Variants in MNT observed in about 807,000 individuals in gnomAD.
The protein encoded by MNT is max-binding protein MNT.
MNT carries 13 observed loss-of-function variants against 40.7 expected under a neutral mutation model. The ratio of observed to expected loss-of-function variants is 0.32; its 90% CI spans 0.21 to 0.51. The LOEUF (loss-of-function observed/expected upper bound fraction) is 0.51. Ranked by LOEUF, MNT falls within the 20% of genes least tolerant of loss-of-function variation. The pLI, the probability that MNT is intolerant of heterozygous loss-of-function variation, is 0.98. For missense variants in MNT, 757 were observed against 792.0 expected (o/e 0.96, Z 0.53); for synonymous variants, 426 against 354.8 (o/e 1.20, Z -2.26).
At chr17:2,388,098 G>A in intron 4 of MNT, 49 bp from the exon 5 acceptor site, 4 of 1,496,606 alleles carry the variant, frequency 2.7e-6, no homozygotes, top group Non-Finnish European at 3.6e-6. Context: ...AGCAGCCTTG[G>A]GGCCCAAAGC....
At position 2,384,597 on chromosome 17, in the gene MNT, C is replaced by CGTGTGT. The variant is rs138247244; in HGVS notation, c.*2298_*2303dup. The CGTGTGT allele has an allele frequency of 0.27, 39,851 of 145,552 alleles. 5,410 individuals carry two copies. The highest frequency in any genetic ancestry group is 0.44 in the East Asian group (2,138 of 4,868). The allele number at this position is 145,552 out of a possible 1,614,324, so 9.0% of individuals were successfully genotyped here. ...GAGGTAAGATGTGTGCGTGTGCGTG[C>CGTGTGT]GTGTGTGTGTGTGTGTGTGTGTGTG... On this transcript the variant is annotated 3_prime_UTR_variant, in exon 6 of 6. Coordinates refer to ENST00000174618, the MANE Select transcript of MNT (RefSeq NM_020310.3).
At chr17:2,389,801 A>T (rs2151666451) in intron 4 of MNT, 1 of 152,510 alleles carries the variant, frequency 6.6e-6, no homozygotes, top group East Asian at 1.9e-4. Flanking sequence ...GCCCCCTGGC[A>T]CTGAGGAAAA....
intron 4 of MNT, among the ~76,000 whole-genome samples, chr17:2,393,066 C>A (rs890634091): frequency 1.3e-5 from 2 of 152,004 alleles, no homozygotes; most frequent in Admixed American, 1.3e-4. Context: ...ACCCCTCCCA[C>A]GGGGCCCGTG....
rs2066554550 is a variant in MNT at position 2,394,233 on chromosome 17, G to GGCCGAGGGCC, written c.695+62_695+71dup. On this transcript the variant is annotated intron_variant, in intron 3 of 5. Coordinates refer to ENST00000174618, the MANE Select transcript of MNT (RefSeq NM_020310.3). The stretch of plus-strand genomic sequence containing the variant: ...GGGGAGGCAGGACCGGGGAAGCTGG[G>GGCCGAGGGCC]GCCGAGGGCCGCCGGGGCCCGGGTC... 2.6e-5 allele frequency: 42 copies of GGCCGAGGGCC among 1,594,476 alleles called. 1 individual carries two copies. The South Asian group carries it at 4.7e-4, about 18-fold the overall frequency.
chr17:2,391,442 G>A (rs952574841), intron 4 of MNT: 1 of 152,274 alleles, frequency 6.6e-6, no homozygotes, highest in Non-Finnish European at 1.5e-5. Context: ...GAGTGACATG[G>A]GTCAAAAGCT....
chr17:2,392,830 C>T (rs2066532016), intron 4 of MNT: 1 of 151,968 alleles, frequency 6.6e-6, no homozygotes, highest in African/African-American at 2.4e-5. Flanking sequence ...CCGGAAGCGG[C>T]CTGGAGGCGC....
At position 2,400,825 on chromosome 17, in the gene MNT, G is replaced by T. The variant is rs2066610295; in HGVS notation, c.-113C>A. ...AGGGATCACCTCCGGGGGGCGACAG[G>T]GCTGGGCGGCGCAGCGCACTCCGCA... On this transcript the variant is annotated 5_prime_UTR_variant, in exon 1 of 6. Transcript: ENST00000174618. The T allele has an allele frequency of 1.3e-6, 1 of 768,438 alleles. No individual in the cohort carries two copies. Among genetic ancestry groups the T allele is most frequent in the Non-Finnish European group, 1.9e-6 (1 of 520,192 alleles). 47.6% of individuals were successfully genotyped at this position (768,438 alleles called of 1,614,324 possible).
chr17:2,394,803 T>C, intron 2 of MNT, 72 bp downstream of exon 2: 1 of 1,140,044 alleles, frequency 8.8e-7, no homozygotes, highest in Non-Finnish European at 1.3e-6. Context: ...GGGCACCTTG[T>C]CTTGCACACA....
At chr17:2,388,091 A>C in intron 4 of MNT, 42 bp from the exon 5 acceptor site, 1 of 1,508,734 alleles carries the variant, frequency 6.6e-7, no homozygotes, top group South Asian at 1.3e-5. Flanking sequence ...CCTGAGCAGC[A>C]GCCTTGGGGC....
rs1220913349 is a variant in MNT at position 2,387,394 on chromosome 17, G to A, written c.1256C>T (p.Pro419Leu). The A allele has an allele frequency of 1.2e-6, 2 of 1,611,528 alleles. No homozygotes were observed. Among genetic ancestry groups the A allele is most frequent in the Non-Finnish European group, 1.7e-6 (2 of 1,178,864 alleles). The change falls in exon 6 of 6, where the codon CCT becomes CTT. Residue 419 changes from proline to leucine, a missense_variant. This residue lies in a region of MNT where 345 missense variants were observed against 380.1 expected (regional missense o/e 0.91). Coordinates refer to ENST00000174618, the MANE Select transcript of MNT (RefSeq NM_020310.3). ...TGGAGCTGGCACCAGTGTCTGGGCAGGGGCAGCCGGTGGGGGAGGAGGGGC... is the reference window on the plus strand; with the variant it reads ...TGGAGCTGGCACCAGTGTCTGGGCAAGGGCAGCCGGTGGGGGAGGAGGGGC... ...LPAPPPPPAAPAQTLVPAPAH... is the reference protein window; with the variant it reads ...LPAPPPPPAALAQTLVPAPAH...
rs73298239 is a variant in MNT, at chr17:2,399,609, G to A, written c.73+1031C>T. The stretch of plus-strand genomic sequence containing the variant: ...GAGGTGCCCAGAGGCCGGGGCCCGG[G>A]CCCAGGCCCAACCCAGCGCAAGGCC... On this transcript the variant is annotated intron_variant, in intron 1 of 5. Coordinates refer to ENST00000174618, the MANE Select transcript of MNT (RefSeq NM_020310.3). Among the ~76,000 whole-genome samples, 984 of 152,188 alleles carry A rather than the reference G, an allele frequency of 6.5e-3. 7 individuals carry two copies. Among genetic ancestry groups the A allele is most frequent in the African/African-American group, 0.023 (947 of 41,522 alleles).
chr17:2,395,123 G>T lies in MNT; in HGVS notation c.405C>A (p.Ala135=), dbSNP rs1290134657. Reference sequence around the variant, plus strand: ...GCACCTGCGGCCTGCTGGGCAGGGGGGCAGGCTCCTTAATGCTGAGTCCGG... The same window carrying T: ...GCACCTGCGGCCTGCTGGGCAGGGGTGCAGGCTCCTTAATGCTGAGTCCGG... The part of the protein sequence containing the change: ...GAPGLSIKEP[A]PLPSRPQVPT... The change falls in exon 2 of 6, where the codon GCC becomes GCA. Residue 135 remains alanine, a synonymous_variant. Coordinates refer to ENST00000174618, the MANE Select transcript of MNT (RefSeq NM_020310.3). 1.4e-6 allele frequency: 2 copies of T among 1,479,444 alleles called. No individual in the cohort carries two copies. The highest frequency in any genetic ancestry group is 1.4e-5 in the African/African-American group (1 of 70,768). 91.6% of individuals were successfully genotyped at this position (1,479,444 alleles called of 1,614,324 possible).
chr17:2,396,487 G>A (rs938050035), intron 1 of MNT: 1 of 152,486 alleles, frequency 6.6e-6, no homozygotes, highest in Non-Finnish European at 1.5e-5. Flanking sequence ...AGGAGGAGGA[G>A]GTACAGCAGC....
At chr17:2,391,572 G>A (rs1340811606) in intron 4 of MNT, 4 of 152,262 alleles carry the variant, frequency 2.6e-5, no homozygotes, top group Non-Finnish European at 5.9e-5. Flanking sequence ...TGACTACCTG[G>A]ATGCACGGTT....
rs552188436 is a variant in MNT, at chr17:2,395,087, A to C, written c.441T>G (p.Ala147=). 5.0e-5 allele frequency: 76 copies of C among 1,519,756 alleles called. 1 individual carries two copies. The South Asian group carries it at 9.1e-4, about 18-fold the overall frequency. The allele number at this position is 1,519,756 out of a possible 1,614,324, so 94.1% of individuals were successfully genotyped here. ...TGGCCTTCGAGTCCGGCAGTAGGGG[A>C]GCAGGGGTGGGCACCTGCGGCCTGC... ...LPSRPQVPTP[A]PLLPDSKATI... The change falls in exon 2 of 6, where the codon GCT becomes GCG. Residue 147 remains alanine (A), a synonymous_variant. Transcript: ENST00000174618.
intron 1 of MNT, among the ~76,000 whole-genome samples, chr17:2,398,935 T>G (rs1269304593): frequency 6.6e-6 from 1 of 151,984 alleles, no homozygotes; most frequent in African/African-American, 2.4e-5. Context: ...CTCTTGACCT[T>G]GAGAGGCCGG....
chr17:2,391,744 G>A (rs143127593), intron 4 of MNT: 3 of 152,286 alleles, frequency 2.0e-5, no homozygotes, highest in Non-Finnish European at 4.4e-5. Flanking sequence ...CAGCCCCACT[G>A]GTCTCTCCAG....
At position 2,394,342 on chromosome 17, in the gene MNT, C is replaced by T; in HGVS notation, c.658G>A (p.Gly220Arg). 6.2e-7 allele frequency: 1 copy of T among 1,613,340 alleles called. No individual in the cohort carries two copies. Residue 220 changes from glycine to arginine, a missense_variant, in exon 3 of 6, where the codon GGA (glycine) becomes AGA (arginine). Physicochemically the swap from Gly to Arg is moderately radical, Grantham distance 125. Around this residue, in one of 4 missense-constraint regions of MNT, gnomAD observed 73 missense variants for 100.8 expected, o/e 0.72. Transcript: ENST00000174618. ...SEQKKRPGGI[G>R]TREVHNKLEK... is the part of the protein sequence containing the mutation. ...AATTTGTTGTGGACTTCTCTGGTTC[C>T]GATCCTGAAACCCAGACAGATAGGA...
At position 2,387,326 on chromosome 17, in the gene MNT, C is replaced by T. The variant is rs1196869845; in HGVS notation, c.1324G>A (p.Ala442Thr). The change falls in exon 6 of 6, where the codon GCC becomes ACC. Residue 442 changes from alanine to threonine, a missense_variant. Ala to Thr is a moderately conservative substitution (Grantham distance 58). This residue lies in a region of MNT where 345 missense variants were observed against 380.1 expected (regional missense o/e 0.91). Transcript: ENST00000174618. ...ATAGGGSTVI[A>T]HTATTHASVI... ...GAAGCGTGAGTGGTGGCTGTGTGGG[C>T]GATGACCGTGGAGCCACCCCCAGCC... is the stretch of plus-strand genomic sequence containing the variant. 7.4e-6 allele frequency: 12 copies of T among 1,612,980 alleles called. No individual in the cohort carries two copies. The highest frequency in any genetic ancestry group is 2.2e-5 in the East Asian group (1 of 44,832).
Sources: allele counts gnomAD v4.1 joint callset (sites outside exome capture counted in the v4.1 genomes callset), GRCh38; gene constraint gnomAD v4.1.1; regional missense constraint gnomAD v4.1.1; transcripts MANE v1.5; gene names NCBI Gene and HGNC (gene_info 2026-07-23, HGNC 2026-07-21).